Variants in BNC1 observed in about 807,000 individuals in gnomAD.
The protein encoded by BNC1 is zinc finger protein basonuclin-1.
BNC1 carries 8 observed loss-of-function variants against 66.5 expected under a neutral mutation model. The ratio of observed to expected loss-of-function variants is 0.12; its 90% CI spans 0.07 to 0.22. The LOEUF (loss-of-function observed/expected upper bound fraction) is 0.22, where lower values mean the gene tolerates loss of function less well. Among genes scored for constraint, BNC1 ranks in the 10% least tolerant of loss-of-function variants. The pLI is 1.00. For missense variants in BNC1, 1,069 were observed against 1,241.3 expected, an observed-to-expected ratio of 0.86 and a Z score of 2.09; for synonymous variants, 454 against 452.6, an observed-to-expected ratio of 1.00 and a Z score of -0.04.
intron 1 of BNC1, among the ~76,000 whole-genome samples, chr15:83,277,196 G>A (rs191403314): frequency 1.6e-4 from 24 of 151,964 alleles, no homozygotes; most frequent in African/African-American, 5.5e-4. Flanking sequence ...CACTTTATTC[G>A]CCCTCCCAAA....
chr15:83,269,266 G>T (rs575344351), intron 1 of BNC1, among the ~76,000 whole-genome samples: 1 of 152,054 alleles, frequency 6.6e-6, no homozygotes, highest in Non-Finnish European at 1.5e-5. Flanking sequence ...AAAGCTTCAC[G>T]TATATTTTTA....
chr15:83,281,362 T>C (rs2038377277), intron 1 of BNC1, among the ~76,000 whole-genome samples: 1 of 152,158 alleles, frequency 6.6e-6, no homozygotes, highest in Non-Finnish European at 1.5e-5. Context: ...ACAAAAACTC[T>C]GCAGTAGAAC....
intron 1 of BNC1, 115 bp downstream of exon 1, chr15:83,284,415 C>CTGGCCCTCGGGAGG (rs929910598): frequency 8.0e-6 from 5 of 623,062 alleles, no homozygotes; most frequent in Non-Finnish European, 8.2e-6. Flanking sequence ...AGGTAGCCAG[C>CTGGCCCTCGGGAGG]TGGCCCTCGG....
chr15:83,282,410 C>A (rs186505472), intron 1 of BNC1, among the ~76,000 whole-genome samples: 1 of 152,328 alleles, frequency 6.6e-6, no homozygotes, highest in Admixed American at 6.5e-5. Flanking sequence ...TCTTAAAATT[C>A]ATCATCACAA....
At chr15:83,270,330 T>C (rs2038257806) in intron 1 of BNC1, among the ~76,000 whole-genome samples, 1 of 152,144 alleles carries the variant, frequency 6.6e-6, no homozygotes, top group Non-Finnish European at 1.5e-5. Context: ...GGTAGACACA[T>C]GTTTTCACTT....
At chr15:83,268,373 T>C in intron 1 of BNC1, 141 bp from the exon 2 acceptor site, 2 of 711,346 alleles carry the variant, frequency 2.8e-6, no homozygotes, top group East Asian at 5.4e-5. Context: ...CCCAGAAGTG[T>C]ATATTGTACT....
rs1454870812 is a variant in BNC1, at chr15:83,258,115, T to C, written c.2312A>G (p.Asn771Ser). 7 of 1,600,430 alleles carry C rather than the reference T, an allele frequency of 4.4e-6. No individual in the cohort carries two copies. Among genetic ancestry groups the C allele is most frequent in the Non-Finnish European group, 6.0e-6 (7 of 1,168,974 alleles). Residue 771 changes from asparagine (N) to serine (S), a missense_variant, in exon 5 of 5, where the codon AAC becomes AGC. Around this residue, in one of 7 missense-constraint regions of BNC1, gnomAD observed 657 missense variants for 715.8 expected, o/e 0.92. Transcript: ENST00000345382. ...SRRSRDRHSS[N>S]LNLHQKALSQ... ...CAATGCTTTTTGGTGGAGGTTTAGG[T>C]TTGAGCTGTGTCTACAAGAGTGAAA... is the stretch of plus-strand genomic sequence containing the variant.
intron 1 of BNC1, among the ~76,000 whole-genome samples, chr15:83,270,748 T>C (rs1465151067): frequency 6.6e-6 from 1 of 152,362 alleles, no homozygotes; most frequent in East Asian, 1.9e-4. Context: ...TTACCAGATA[T>C]ATGATTTGCA....
chr15:83,279,481 A>G (rs2038357903), intron 1 of BNC1, among the ~76,000 whole-genome samples: 1 of 152,226 alleles, frequency 6.6e-6, no homozygotes, highest in Non-Finnish European at 1.5e-5. Context: ...CTCCAGGAAG[A>G]AGGCATGCTC....
intron 2 of BNC1, among the ~76,000 whole-genome samples, chr15:83,267,905 T>C (rs2038233494): frequency 6.6e-6 from 1 of 152,184 alleles, no homozygotes; most frequent in African/African-American, 2.4e-5. Flanking sequence ...ATGATAGCAA[T>C]GAAGCACTAG....
At position 83,263,597 on chromosome 15, in the gene BNC1, C is replaced by T; in HGVS notation, c.1654G>A (p.Glu552Lys). The T allele has an allele frequency of 6.2e-7, 1 of 1,614,204 alleles. No individual in the cohort carries two copies. ...MPIKIEKEAV[E>K]IANEKRHNLS... is the part of the protein sequence containing the mutation. ...TTGTGTCTTTTCTCATTAGCTATTT[C>T]CACAGCTTCTTTCTCTATTTTGATA... Residue 552 changes from glutamate (E) to lysine (K), a missense_variant, in exon 4 of 5, where the codon GAA (glutamate) becomes AAA (lysine). Transcript: ENST00000345382.
At chr15:83,259,459 A>G (rs929365656) in intron 4 of BNC1, among the ~76,000 whole-genome samples, 1 of 152,190 alleles carries the variant, frequency 6.6e-6, no homozygotes, top group Admixed American at 6.5e-5. Flanking sequence ...TTACTGTTCA[A>G]CTTCTGTCTT....
chr15:83,280,071 G>A (rs117182371), intron 1 of BNC1, among the ~76,000 whole-genome samples: 2,264 of 152,298 alleles, frequency 0.015, 26 homozygotes, highest in Non-Finnish European at 0.022. Context: ...TATAAACTGT[G>A]TGCCAAAATA....
chr15:83,266,671 C>A (rs1287979542), intron 3 of BNC1, among the ~76,000 whole-genome samples, 165 bp downstream of exon 3: 1 of 151,954 alleles, frequency 6.6e-6, no homozygotes, highest in African/African-American at 2.4e-5. Context: ...GCCTTGGACT[C>A]CCCCCAAGAA....
In BNC1 at chr15:83,263,534, T is replaced by C; in HGVS notation, c.1717A>G (p.Ser573Gly). The change falls in exon 4 of 5, where the codon AGT (serine) becomes GGT (glycine). Residue 573 changes from serine to glycine, a missense_variant. Ser to Gly is a moderately conservative substitution (Grantham distance 56). Around this residue, in one of 7 missense-constraint regions of BNC1, gnomAD observed 657 missense variants for 715.8 expected, o/e 0.92. Coordinates refer to ENST00000345382, the MANE Select transcript of BNC1 (RefSeq NM_001717.4). ...SDEDMPLQVV[S>G]EDEQEACSPQ... ...CTGCAGGCCTCCTGCTCATCTTCAC[T>C]GACCACCTGTAGGGGCATGTCTTCA... 6.2e-7 allele frequency: 1 copy of C among 1,614,274 alleles called. No homozygotes were observed. Among genetic ancestry groups the C allele is most frequent in the East Asian group, 2.2e-5 (1 of 44,884 alleles).
rs2038091671 is a variant in BNC1 at position 83,257,660 on chromosome 15, G to A, written c.2767C>T (p.Pro923Ser). Residue 923 changes from proline (P) to serine (S), a missense_variant, in exon 5 of 5, where the codon CCT becomes TCT. Physicochemically the swap from Pro to Ser is moderately conservative, Grantham distance 74 (BLOSUM62 -1). Coordinates refer to ENST00000345382, the MANE Select transcript of BNC1 (RefSeq NM_001717.4). The part of the protein sequence containing the change: ...EKADQSLASL[P>S]SGLPITCHLC... Reference sequence around the variant, plus strand: ...TGACAGGTTATGGGCAACCCAGAAGGCAGGCTAGCAAGGCTCTGGTCAGCC... The same window carrying A: ...TGACAGGTTATGGGCAACCCAGAAGACAGGCTAGCAAGGCTCTGGTCAGCC... 3.1e-6 allele frequency: 5 copies of A among 1,614,126 alleles called. No individual in the cohort carries two copies. Among genetic ancestry groups the A allele is most frequent in the East Asian group, 2.2e-5 (1 of 44,878 alleles).
intron 4 of BNC1, among the ~76,000 whole-genome samples, chr15:83,259,942 C>T (rs2038122604): frequency 6.6e-6 from 1 of 152,136 alleles, no homozygotes; most frequent in South Asian, 2.1e-4. Flanking sequence ...GCCCATGTCT[C>T]CATCTCTTCC....
At chr15:83,262,224 TC>T (rs2038151728) in intron 4 of BNC1, among the ~76,000 whole-genome samples, 1 of 152,050 alleles carries the variant, frequency 6.6e-6, no homozygotes, top group African/African-American at 2.4e-5. Context: ...AGCTAATTTT[TC>T]TATTTTTAGT....
Position 83,266,926 on chromosome 15 carries a change from G to C in BNC1, c.345C>G (p.Leu115=), listed in dbSNP as rs2038223756. The change falls in exon 3 of 5, where the codon CTC becomes CTG. Residue 115 remains leucine, a synonymous_variant. Coordinates refer to ENST00000345382, the MANE Select transcript of BNC1 (RefSeq NM_001717.4). The stretch of plus-strand genomic sequence containing the variant: ...CCTCATCTTGCTTCAACACACTGAA[G>C]AGCCGGTCCAGTAGGATTTTTAGGC... ...PVRLKILLDR[L]FSVLKQDEVL... is the part of the protein sequence containing the mutation. 2 of 1,614,190 alleles carry C rather than the reference G, an allele frequency of 1.2e-6. No individual in the cohort carries two copies. The highest frequency in any genetic ancestry group is 1.7e-6 in the Non-Finnish European group (2 of 1,180,046).
Sources: allele counts gnomAD v4.1 joint callset (sites outside exome capture counted in the v4.1 genomes callset), GRCh38; gene constraint gnomAD v4.1.1; regional missense constraint gnomAD v4.1.1; transcripts MANE v1.5; gene names NCBI Gene and HGNC (gene_info 2026-07-23, HGNC 2026-07-21).